KCNIP4: variants seen among roughly 807,000 people sequenced by gnomAD.
KCNIP4 encodes the protein Kv channel-interacting protein 4.
In KCNIP4, 12 loss-of-function variants were observed where a neutral mutation model predicts 34.0. That is an observed-to-expected ratio of 0.35 (90% CI 0.23 to 0.57). KCNIP4 has a LOEUF of 0.57. KCNIP4 is among the 20% of genes least tolerant of loss of function. KCNIP4 has a pLI of 0.83. For synonymous variants in KCNIP4, 124 were observed against 102.2 expected (o/e 1.21, Z -1.29); for missense variants, 238 against 311.7 (o/e 0.76, Z 1.78).
chr4:21,807,306 T>C (rs1721357394), intron 1 of KCNIP4, among the ~76,000 whole-genome samples: 1 of 152,188 alleles, frequency 6.6e-6, no homozygotes, highest in African/African-American at 2.4e-5. Flanking sequence ...GACTCGTCCA[T>C]GGCCTGAGGG....
chr4:21,802,474 G>C (rs1297082088), intron 1 of KCNIP4, among the ~76,000 whole-genome samples: 1 of 152,070 alleles, frequency 6.6e-6, no homozygotes, highest in African/African-American at 2.4e-5. Flanking sequence ...ATCAGGATAT[G>C]TATTTTTTAT....
chr4:21,283,405 A>G lies in KCNIP4; in HGVS notation c.62-400696T>C, dbSNP rs894959581. Among the ~76,000 whole-genome samples, 5 of 151,922 alleles carry G rather than the reference A, an allele frequency of 3.3e-5. No homozygotes were observed. The East Asian group carries it at 9.7e-4, about 29-fold the overall frequency. On this transcript the variant is annotated intron_variant, in intron 1 of 8. Transcript: ENST00000382152. ...CACCTATCCATTGACCCATTCTTCC[A>G]TCTTTTAACGTTTTCTCTCTCATGC...
chr4:21,123,252 A>T (rs927152782), intron 1 of KCNIP4, among the ~76,000 whole-genome samples: 2 of 152,232 alleles, frequency 1.3e-5, no homozygotes, highest in African/African-American at 4.8e-5. Flanking sequence ...TAAAATATGT[A>T]TTCTTTTATT....
chr4:21,338,879 C>T (rs1716456516), intron 1 of KCNIP4, among the ~76,000 whole-genome samples: 1 of 152,056 alleles, frequency 6.6e-6, no homozygotes. Flanking sequence ...ACAAACTAAT[C>T]TGACAAGTAA....
intron 1 of KCNIP4, among the ~76,000 whole-genome samples, chr4:20,944,557 T>C (rs1731992011): frequency 6.6e-6 from 1 of 152,232 alleles, no homozygotes; most frequent in Non-Finnish European, 1.5e-5. Flanking sequence ...AGATGGGTTC[T>C]TCCTAAATGC....
chr4:21,058,553 T>C (rs915860920), intron 1 of KCNIP4, among the ~76,000 whole-genome samples: 1 of 152,118 alleles, frequency 6.6e-6, no homozygotes. Flanking sequence ...TTATGGTCCC[T>C]AAATCATAGA....
intron 2 of KCNIP4, among the ~76,000 whole-genome samples, chr4:20,873,247 TA>T (rs1187181025): frequency 2.0e-5 from 3 of 152,178 alleles, no homozygotes; most frequent in Non-Finnish European, 2.9e-5. Flanking sequence ...TCATAATTGT[TA>T]GGTGCTGGGT....
chr4:21,731,655 C>CA (rs1287034434), intron 1 of KCNIP4, among the ~76,000 whole-genome samples: 1 of 152,120 alleles, frequency 6.6e-6, no homozygotes, highest in Admixed American at 6.6e-5. Flanking sequence ...CTTCAAAACC[C>CA]AATCAAAGTT....
chr4:21,694,928 AAATAAAAAT>A (rs1358081257), intron 1 of KCNIP4, among the ~76,000 whole-genome samples: 8 of 122,938 alleles, frequency 6.5e-5, no homozygotes, highest in Admixed American at 2.3e-4. Context: ...AAAAAAAAAA[AAATAAAAAT>A]AAATAAATAA....
intron 1 of KCNIP4, among the ~76,000 whole-genome samples, chr4:21,757,206 A>G (rs58440438): frequency 0.033 from 1,295 of 39,070 alleles, 25 homozygotes; most frequent in East Asian, 0.096. Context: ...AAGGAAAGAA[A>G]GAAAGAAAGA....
chr4:21,444,386 G>T (rs1414552605), intron 1 of KCNIP4, among the ~76,000 whole-genome samples: 1 of 152,140 alleles, frequency 6.6e-6, no homozygotes, highest in Non-Finnish European at 1.5e-5. Flanking sequence ...ATAAAATACT[G>T]GCAAATTGAA....
At chr4:21,450,005 A>G (rs1311272553) in intron 1 of KCNIP4, among the ~76,000 whole-genome samples, 3 of 152,182 alleles carry the variant, frequency 2.0e-5, no homozygotes, top group Non-Finnish European at 4.4e-5. Context: ...TTCAATGGTA[A>G]GTAAGACTTA....
intron 1 of KCNIP4, among the ~76,000 whole-genome samples, chr4:21,643,649 C>T (rs574156042): frequency 1.3e-5 from 2 of 152,136 alleles, no homozygotes; most frequent in East Asian, 3.9e-4. Context: ...TGTGGATGGG[C>T]CTGATTCAAC....
At chr4:21,820,167 T>G (rs1303871945) in intron 1 of KCNIP4, among the ~76,000 whole-genome samples, 1 of 151,396 alleles carries the variant, frequency 6.6e-6, no homozygotes, top group African/African-American at 2.4e-5. Flanking sequence ...AACTTATTTT[T>G]ACTCTTGTGC....
intron 1 of KCNIP4, among the ~76,000 whole-genome samples, chr4:20,978,498 T>C (rs1193071742): frequency 6.6e-6 from 1 of 152,206 alleles, no homozygotes; most frequent in Non-Finnish European, 1.5e-5. Context: ...TCAACTCCTA[T>C]CCTACATTTT....
intron 1 of KCNIP4, among the ~76,000 whole-genome samples, chr4:21,026,445 G>A (rs1211234012): frequency 6.6e-6 from 1 of 152,120 alleles, no homozygotes; most frequent in Non-Finnish European, 1.5e-5. Context: ...GTTGAACCCA[G>A]GAGTTTGAGA....
chr4:21,887,354 G>A (rs1726837266), intron 1 of KCNIP4, among the ~76,000 whole-genome samples: 1 of 152,062 alleles, frequency 6.6e-6, no homozygotes, highest in African/African-American at 2.4e-5. Flanking sequence ...GAGGGGCGCA[G>A]AAAGAGTTAG....
intron 1 of KCNIP4, among the ~76,000 whole-genome samples, chr4:21,936,580 G>T (rs1342702407): frequency 6.6e-6 from 1 of 151,998 alleles, no homozygotes; most frequent in Non-Finnish European, 1.5e-5. Context: ...AATGAAGTGA[G>T]GAAGAAAAGC....
intron 1 of KCNIP4, among the ~76,000 whole-genome samples, chr4:21,030,103 A>G (rs993919854): frequency 2.0e-5 from 3 of 152,200 alleles, no homozygotes; most frequent in African/African-American, 4.8e-5. Context: ...TGGGCTACAC[A>G]GTAAGAGGTG....
Sources: gnomAD v4.1 joint callset for allele counts (sites outside exome capture counted in the v4.1 genomes callset) on GRCh38, gnomAD v4.1.1 for gene constraint, MANE v1.5 for transcripts, NCBI Gene and HGNC (gene_info 2026-07-23, HGNC 2026-07-21) for gene names.